Variants in PDE4D observed in about 807,000 individuals in gnomAD.
PDE4D encodes the protein 3',5'-cyclic-AMP phosphodiesterase 4D.
PDE4D carries 24 observed loss-of-function variants against 87.4 expected under a neutral mutation model. The observed-to-expected ratio is 0.27, with a 90% CI of 0.20 to 0.39. The LOEUF (loss-of-function observed/expected upper bound fraction) is 0.39, where lower values mean the gene tolerates loss of function less well. PDE4D is among the 10% of genes least tolerant of loss of function. PDE4D has a pLI of 1.00. For missense variants in PDE4D, 714 were observed against 1,041.0 expected, an observed-to-expected ratio of 0.69 and a Z score of 4.32; for synonymous variants, 384 against 383.2, an observed-to-expected ratio of 1.00 and a Z score of -0.02.
intron 1 of PDE4D, among the ~76,000 whole-genome samples, chr5:59,744,537 A>G (rs1435434141): frequency 1.3e-5 from 2 of 152,122 alleles, no homozygotes; most frequent in African/African-American, 4.8e-5. Context: ...AACAAGCACA[A>G]ATATAGAACT....
At chr5:59,875,682 C>A (rs188402155) in intron 1 of PDE4D, among the ~76,000 whole-genome samples, 13 of 152,058 alleles carry the variant, frequency 8.5e-5, no homozygotes, top group Admixed American at 4.6e-4. Context: ...TAACTTCCAA[C>A]CAATCCACAC....
chr5:60,271,488 CTTCTAA>C (rs1750802637), intron 1 of PDE4D, among the ~76,000 whole-genome samples: 1 of 152,068 alleles, frequency 6.6e-6, no homozygotes, highest in African/African-American at 2.4e-5. Context: ...ATAATTTCAC[CTTCTAA>C]TTCTTTCTTT....
intron 2 of PDE4D, among the ~76,000 whole-genome samples, chr5:60,061,827 G>C (rs191087918): frequency 3.9e-5 from 6 of 152,162 alleles, no homozygotes; most frequent in African/African-American, 1.4e-4. Flanking sequence ...AGGATTCCCT[G>C]TTTAATAAAT....
intron 2 of PDE4D, among the ~76,000 whole-genome samples, chr5:60,086,778 T>A (rs919730513): frequency 1.3e-5 from 2 of 152,228 alleles, no homozygotes; most frequent in Non-Finnish European, 2.9e-5. Context: ...ATGGGAACCA[T>A]TGGGTATCCC....
intron 5 of PDE4D, among the ~76,000 whole-genome samples, chr5:59,087,476 C>A (rs1014057998): frequency 6.6e-6 from 1 of 151,778 alleles, no homozygotes; most frequent in African/African-American, 2.4e-5. Flanking sequence ...AGAGCAAGAC[C>A]CTATCTCAAT....
chr5:60,082,202 G>A (rs570540573), intron 2 of PDE4D, among the ~76,000 whole-genome samples: 1 of 152,256 alleles, frequency 6.6e-6, no homozygotes, highest in African/African-American at 2.4e-5. Flanking sequence ...TAGGAGGTAG[G>A]GCCTTTGGGA....
chr5:60,149,724 A>G (rs1230508285), intron 2 of PDE4D, among the ~76,000 whole-genome samples: 2 of 151,546 alleles, frequency 1.3e-5, no homozygotes, highest in Non-Finnish European at 2.9e-5. Flanking sequence ...ATGATACTCT[A>G]GGACTATGTT....
chr5:60,449,577 G>A (rs10471480), intron 1 of PDE4D, among the ~76,000 whole-genome samples: 2 of 151,042 alleles, frequency 1.3e-5, no homozygotes, highest in African/African-American at 4.9e-5. Context: ...GCACCAGCAT[G>A]GCACATGTAT....
At chr5:59,082,542 T>C (rs908378311) in intron 5 of PDE4D, among the ~76,000 whole-genome samples, 4 of 152,272 alleles carry the variant, frequency 2.6e-5, no homozygotes, top group Admixed American at 1.3e-4. Context: ...TTTTTTTCTA[T>C]ATACCAGTTA....
At chr5:59,439,595 T>C (rs749875304) in intron 1 of PDE4D, among the ~76,000 whole-genome samples, 5 of 152,188 alleles carry the variant, frequency 3.3e-5, no homozygotes, top group Non-Finnish European at 5.9e-5. Context: ...ATTCCTGCCT[T>C]TATGGAGCTG....
At chr5:59,566,743 G>A (rs1820999256) in intron 1 of PDE4D, among the ~76,000 whole-genome samples, 2 of 152,146 alleles carry the variant, frequency 1.3e-5, no homozygotes, top group Non-Finnish European at 2.9e-5. Context: ...GTGTGGCCAT[G>A]TAGGAAGATG....
intron 2 of PDE4D, among the ~76,000 whole-genome samples, chr5:60,004,642 AT>A (rs1764306816): frequency 1.3e-5 from 2 of 152,254 alleles, no homozygotes; most frequent in South Asian, 4.1e-4. Context: ...CCAATAACCC[AT>A]TTTAAAAATA....
intron 1 of PDE4D, among the ~76,000 whole-genome samples, chr5:60,385,535 G>A (rs933730484): frequency 2.6e-5 from 4 of 152,244 alleles, no homozygotes; most frequent in African/African-American, 9.6e-5. Context: ...AATATGAGAG[G>A]GGCACTGGCA....
chr5:60,069,290 T>C (rs1190569730), intron 2 of PDE4D, among the ~76,000 whole-genome samples: 1 of 152,176 alleles, frequency 6.6e-6, no homozygotes, highest in Non-Finnish European at 1.5e-5. Context: ...ACTTCATGAA[T>C]AAAAGACATC....
chr5:59,202,121 G>A (rs1450309356), intron 2 of PDE4D, among the ~76,000 whole-genome samples: 3 of 139,238 alleles, frequency 2.2e-5, no homozygotes, highest in Non-Finnish European at 3.0e-5. Context: ...CTCACTGCAA[G>A]CTCCGCCTCC....
intron 1 of PDE4D, among the ~76,000 whole-genome samples, chr5:59,817,509 A>G (rs1404705795): frequency 1.3e-5 from 2 of 152,172 alleles, no homozygotes; most frequent in Non-Finnish European, 2.9e-5. Context: ...ACCCCAATTC[A>G]TATGTTGAAG....
intron 2 of PDE4D, among the ~76,000 whole-genome samples, chr5:60,004,939 C>T (rs1052538974): frequency 1.3e-5 from 2 of 152,068 alleles, no homozygotes; most frequent in African/African-American, 4.8e-5. Context: ...TGATCCAGCA[C>T]TCTAATGTTT....
At chr5:59,770,500 AAAAG>A (rs1275696680) in intron 1 of PDE4D, among the ~76,000 whole-genome samples, 1 of 152,230 alleles carries the variant, frequency 6.6e-6, no homozygotes, top group Non-Finnish European at 1.5e-5. Flanking sequence ...GGAAAGAAAG[AAAAG>A]AAAGAAGTGC....
At chr5:59,770,674 C>T (rs1224017705) in intron 1 of PDE4D, among the ~76,000 whole-genome samples, 1 of 152,012 alleles carries the variant, frequency 6.6e-6, no homozygotes, top group Non-Finnish European at 1.5e-5. Flanking sequence ...ATAAAAAATT[C>T]AGATGATAGG....
Sources: allele counts gnomAD v4.1 joint callset (sites outside exome capture counted in the v4.1 genomes callset), GRCh38; gene constraint gnomAD v4.1.1; transcripts MANE v1.5; gene names NCBI Gene and HGNC (gene_info 2026-07-23, HGNC 2026-07-21).